Variants in CSMD1 observed in about 807,000 individuals in gnomAD.
CSMD1 encodes CUB and sushi domain-containing protein 1.
In CSMD1, 213 loss-of-function variants were observed where a neutral mutation model predicts 417.5. The observed-to-expected ratio is 0.51, with a 90% CI of 0.46 to 0.57. The LOEUF is 0.57. Ranked by LOEUF, CSMD1 falls within the 20% of genes least tolerant of loss-of-function variation. The pLI, the probability that CSMD1 is intolerant of heterozygous loss-of-function variation, is 0.00. For synonymous variants in CSMD1, 2,862 were observed against 1,736.8 expected, an observed-to-expected ratio of 1.65 and a Z score of -16.11; for missense variants, 6,923 against 4,529.7, an observed-to-expected ratio of 1.53 and a Z score of -15.17.
chr8:4,013,742 G>C (rs1181999460), intron 4 of CSMD1, among the ~76,000 whole-genome samples: 1 of 152,216 alleles, frequency 6.6e-6, no homozygotes, highest in Non-Finnish European at 1.5e-5. Flanking sequence ...ACTATAGCTT[G>C]TGGGTTACAT....
At chr8:4,783,937 A>G in intron 1 of CSMD1, among the ~76,000 whole-genome samples, 1 of 152,242 alleles carries the variant, frequency 6.6e-6, no homozygotes, top group East Asian at 1.9e-4. Flanking sequence ...GGCTCAATAT[A>G]GAGTTAAAAG....
intron 40 of CSMD1, among the ~76,000 whole-genome samples, chr8:3,147,796 C>T (rs573120542): frequency 2.0e-5 from 3 of 152,212 alleles, no homozygotes; most frequent in Non-Finnish European, 1.5e-5. Context: ...AACACAGTTT[C>T]CCAAACCTCT....
At chr8:3,800,510 A>G (rs527441875) in intron 5 of CSMD1, among the ~76,000 whole-genome samples, 1 of 152,264 alleles carries the variant, frequency 6.6e-6, no homozygotes, top group Non-Finnish European at 1.5e-5. Flanking sequence ...CTCACACCAT[A>G]CAGAAAAATT....
At chr8:4,145,006 T>C (rs1362448729) in intron 3 of CSMD1, among the ~76,000 whole-genome samples, 2 of 151,218 alleles carry the variant, frequency 1.3e-5, no homozygotes, top group East Asian at 3.8e-4. Flanking sequence ...CTCTACTTTA[T>C]ATAAATAATA....
intron 2 of CSMD1, among the ~76,000 whole-genome samples, chr8:4,583,071 A>G (rs1799509548): frequency 6.6e-6 from 1 of 152,178 alleles, no homozygotes; most frequent in Admixed American, 6.5e-5. Context: ...CCCGCGGGGC[A>G]GGGCTCAGGA....
At chr8:4,647,195 C>G (rs2617041) in intron 1 of CSMD1, among the ~76,000 whole-genome samples, 128,385 of 151,722 alleles carry the variant, frequency 0.85, 54,756 homozygotes, top group African/African-American at 0.96. Flanking sequence ...CTGGGCCATA[C>G]GTAACTTCAG....
In CSMD1 at chr8:3,898,295, T is replaced by A. The variant is rs73661020; in HGVS notation, c.818+99608A>T. Among the ~76,000 whole-genome samples the A allele has an allele frequency of 8.9e-3, 1,357 of 152,230 alleles. 23 individuals are homozygous for A. The highest frequency in any genetic ancestry group is 0.031 in the African/African-American group (1,269 of 41,538). ...AATACAACCAAAAAAAACCCAACAT[T>A]TGAACAATTCAAGGACAACTACTCT... On this transcript the variant is annotated intron_variant, in intron 5 of 69. Coordinates refer to ENST00000635120, the MANE Select transcript of CSMD1 (RefSeq NM_033225.6).
intron 22 of CSMD1, among the ~76,000 whole-genome samples, chr8:3,347,191 G>A (rs941611782): frequency 6.6e-6 from 1 of 152,258 alleles, no homozygotes; most frequent in African/African-American, 2.4e-5. Flanking sequence ...GGTTGGACAA[G>A]ATAGTATTAT....
At chr8:3,662,458 G>T (rs1319800923) in intron 7 of CSMD1, among the ~76,000 whole-genome samples, 1 of 152,120 alleles carries the variant, frequency 6.6e-6, no homozygotes, top group Admixed American at 6.6e-5. Context: ...ATTTGGGTTG[G>T]TTCCAAGTCT....
At position 3,011,651 on chromosome 8, in the gene CSMD1, AT is replaced by A. The variant is rs1259109939; in HGVS notation, c.8029+6825del. ...CAAAACAATCTAATAAAAAATGATA[AT>A]GTCCTCTATGTGGGAAATAACTCAA... On this transcript the variant is annotated intron_variant, in intron 52 of 69. Coordinates refer to ENST00000635120, the MANE Select transcript of CSMD1 (RefSeq NM_033225.6). 7.9e-5 allele frequency among the ~76,000 whole-genome samples: 12 copies of A among 152,342 alleles called. No homozygotes were observed. The East Asian group carries it at 2.3e-3, about 29-fold the overall frequency.
intron 54 of CSMD1, among the ~76,000 whole-genome samples, chr8:2,994,724 ATTAT>A (rs1379295915): frequency 6.6e-6 from 1 of 152,220 alleles, no homozygotes; most frequent in Admixed American, 6.5e-5. Context: ...AATTCAGAAA[ATTAT>A]TTATAGACAT....
At chr8:3,673,978 C>A (rs1167795556) in intron 7 of CSMD1, among the ~76,000 whole-genome samples, 1 of 152,108 alleles carries the variant, frequency 6.6e-6, no homozygotes, top group Non-Finnish European at 1.5e-5. Context: ...ATTAGCCAGG[C>A]ATGGTGGCAC....
intron 3 of CSMD1, among the ~76,000 whole-genome samples, chr8:4,148,842 G>C (rs4875087): frequency 0.51 from 77,570 of 152,118 alleles, 21,981 homozygotes; most frequent in Non-Finnish European, 0.63. Flanking sequence ...CCTTTGGCTT[G>C]TGTCCTGGGA....
chr8:4,454,026 G>C (rs891446549), intron 2 of CSMD1, among the ~76,000 whole-genome samples: 1 of 151,700 alleles, frequency 6.6e-6, no homozygotes, highest in South Asian at 2.1e-4. Flanking sequence ...GTTTCACCGT[G>C]TTAGCCGGGA....
At chr8:4,259,459 G>C (rs560927072) in intron 3 of CSMD1, among the ~76,000 whole-genome samples, 4 of 152,124 alleles carry the variant, frequency 2.6e-5, no homozygotes, top group East Asian at 1.9e-4. Context: ...AATGCCTTAA[G>C]CTTTAGGCTT....
intron 3 of CSMD1, among the ~76,000 whole-genome samples, chr8:4,319,021 G>T (rs139777023): frequency 6.6e-6 from 1 of 152,064 alleles, no homozygotes; most frequent in African/African-American, 2.4e-5. Flanking sequence ...CTAACAAAGC[G>T]GCTTGAAGGT....
At chr8:3,082,969 G>A (rs1202013101) in intron 49 of CSMD1, among the ~76,000 whole-genome samples, 1 of 152,198 alleles carries the variant, frequency 6.6e-6, no homozygotes, top group Non-Finnish European at 1.5e-5. Context: ...GCTGATTTGG[G>A]TGGCGAAGAC....
At chr8:3,704,731 G>C (rs73185326) in intron 7 of CSMD1, 66 of 152,252 alleles carry the variant, frequency 4.3e-4, no homozygotes, top group African/African-American at 1.5e-3. Flanking sequence ...TAGACAACCA[G>C]ACCACTGACC....
At chr8:3,429,633 A>G (rs188661269) in intron 12 of CSMD1, among the ~76,000 whole-genome samples, 9 of 152,328 alleles carry the variant, frequency 5.9e-5, no homozygotes, top group Admixed American at 5.9e-4. Context: ...ACAAGGGTTG[A>G]TGTTTATCAA....
Sources: allele counts gnomAD v4.1 joint callset (sites outside exome capture counted in the v4.1 genomes callset), GRCh38; gene constraint gnomAD v4.1.1; transcripts MANE v1.5; gene names NCBI Gene and HGNC (gene_info 2026-07-23, HGNC 2026-07-21).